The following AATF variants were observed in gnomAD, a reference collection of about 807,000 sequenced individuals.
AATF encodes the protein protein AATF.
Under a neutral mutation model 63.7 loss-of-function variants are expected in AATF, and 48 were observed. The ratio of observed to expected loss-of-function variants is 0.75; its 90% CI spans 0.60 to 0.96. AATF has a LOEUF of 0.96. Among genes scored for constraint, AATF ranks in the 40% least tolerant of loss-of-function variants. AATF has a pLI of 0.00. For synonymous variants in AATF, 258 were observed against 247.7 expected, an observed-to-expected ratio of 1.04 and a Z score of -0.39; for missense variants, 639 against 685.7, an observed-to-expected ratio of 0.93 and a Z score of 0.76.
chr17:36,963,915 G>A (rs549611213), intron 4 of AATF, among the ~76,000 whole-genome samples: 6 of 152,212 alleles, frequency 3.9e-5, no homozygotes, highest in African/African-American at 1.2e-4. Flanking sequence ...AGTGGCTCAC[G>A]CCTGTAACCC....
At chr17:37,009,298 AT>A (rs34957243) in intron 8 of AATF, among the ~76,000 whole-genome samples, 19,291 of 128,518 alleles carry the variant, frequency 0.15, 1,179 homozygotes, top group Non-Finnish European at 0.17. Context: ...TGCCCGGCTA[AT>A]TTTTTTTTTT....
At chr17:36,970,534 CTTTTTTCTTTTT>C (rs201213389) in intron 4 of AATF, among the ~76,000 whole-genome samples, 16,893 of 125,622 alleles carry the variant, frequency 0.13, 1,180 homozygotes, top group Non-Finnish European at 0.16. Flanking sequence ...TTCTTTCTTT[CTTTTTTCTTTTT>C]TTTTTTTTTT....
chr17:36,973,119 C>A (rs1420697318), intron 4 of AATF, among the ~76,000 whole-genome samples: 1 of 135,888 alleles, frequency 7.4e-6, no homozygotes, highest in Non-Finnish European at 1.5e-5. Flanking sequence ...TTCTTTTCTT[C>A]TTTCTTTCTT....
chr17:36,989,195 G>C, intron 6 of AATF, 52 bp from the exon 7 acceptor site: 1 of 1,549,024 alleles, frequency 6.5e-7, no homozygotes, highest in Non-Finnish European at 8.8e-7. Flanking sequence ...AATGTAGCTT[G>C]CCTTCAGCAC....
intron 4 of AATF, among the ~76,000 whole-genome samples, chr17:36,966,750 A>G (rs1175606423): frequency 6.6e-6 from 1 of 151,864 alleles, no homozygotes; most frequent in Non-Finnish European, 1.5e-5. Context: ...TTTATCTTGG[A>G]CATTTTCCTT....
chr17:37,046,063 G>A (rs1379189161), intron 11 of AATF: 1 of 152,014 alleles, frequency 6.6e-6, no homozygotes, highest in African/African-American at 2.4e-5. Flanking sequence ...CCCCATCTCA[G>A]ACTGGATTTT....
Position 36,986,477 on chromosome 17 carries a change from T to C in AATF, c.833-140T>C, listed in dbSNP as rs1422113670. Reference sequence around the variant, plus strand: ...TTCCATTTGGGAATATTTCAGAGAGTATTTAGTTCCTGTGTGTATCCTGTG... The same window carrying C: ...TTCCATTTGGGAATATTTCAGAGAGCATTTAGTTCCTGTGTGTATCCTGTG... On this transcript the variant is annotated intron_variant, in intron 4 of 11. Coordinates refer to ENST00000619387, the MANE Select transcript of AATF (RefSeq NM_012138.4). The C allele has an allele frequency of 4.7e-6, 3 of 644,384 alleles. No homozygotes were observed. In the African/African-American group the frequency reaches 5.4e-5, roughly 12 times the overall value. 39.9% of individuals were successfully genotyped at this position (644,384 alleles called of 1,614,324 possible). A position where few individuals can be genotyped will look rare whatever the true frequency, so the allele number is the denominator to read the frequency against.
At chr17:36,992,442 A>T (rs966316042) in intron 8 of AATF, among the ~76,000 whole-genome samples, 1 of 152,200 alleles carries the variant, frequency 6.6e-6, no homozygotes, top group African/African-American at 2.4e-5. Flanking sequence ...GATATGGGAT[A>T]TTAATGCTGT....
intron 10 of AATF, chr17:37,031,359 A>G: frequency 1.9e-6 from 1 of 527,542 alleles, no homozygotes. Context: ...ATGCCATTTT[A>G]TATAAGGAAC....
At chr17:36,998,407 T>G (rs958828709) in intron 8 of AATF, among the ~76,000 whole-genome samples, 38 of 152,346 alleles carry the variant, frequency 2.5e-4, no homozygotes, top group African/African-American at 5.3e-4. Flanking sequence ...GAAACCTGTG[T>G]TCTTGCTCCC....
Position 36,965,766 on chromosome 17 carries a change from A to G in AATF, c.832+11859A>G, listed in dbSNP as rs192514214. On this transcript the variant is annotated intron_variant, in intron 4 of 11. Transcript: ENST00000619387. ...GCCCACGCTGGAGTGTGGTGGTGCAATCATGGCTCACTGCAGCCTCGAACT... is the reference window on the plus strand; with the variant it reads ...GCCCACGCTGGAGTGTGGTGGTGCAGTCATGGCTCACTGCAGCCTCGAACT... Among the ~76,000 whole-genome samples, 13 of 152,228 alleles carry G rather than the reference A, an allele frequency of 8.5e-5. No homozygotes were observed. In the East Asian group the frequency reaches 1.9e-3, roughly 23 times the overall value.
intron 8 of AATF, among the ~76,000 whole-genome samples, chr17:37,003,471 CTTTTTTT>C (rs1163393533): frequency 7.2e-5 from 7 of 96,636 alleles, no homozygotes; most frequent in African/African-American, 1.4e-4. Flanking sequence ...TTGACAAGAA[CTTTTTTT>C]TTTTTTTTTT....
In AATF at chr17:36,988,547, C is replaced by T. The variant is rs73286003; in HGVS notation, c.976C>T (p.Leu326=). The change falls in exon 6 of 12, where the codon CTG becomes TTG. Residue 326 remains leucine, a synonymous_variant. Coordinates refer to ENST00000619387, the MANE Select transcript of AATF (RefSeq NM_012138.4). ...SEEISSEDDE[L]VEEKKQQRRR... ...GGAGATTTCTAGTGAAGATGATGAG[C>T]TGGTAGAAGAGAAGAAGCAGCAACG... The T allele has an allele frequency of 2.7e-4, 443 of 1,614,020 alleles. 3 individuals carry two copies. In the African/African-American group the frequency reaches 5.6e-3, roughly 20 times the overall value.
At chr17:36,972,216 T>C (rs912129311) in intron 4 of AATF, among the ~76,000 whole-genome samples, 2 of 152,320 alleles carry the variant, frequency 1.3e-5, no homozygotes, top group African/African-American at 2.4e-5. Context: ...TCCTTGGTAC[T>C]GAAACCTTAC....
At chr17:36,976,399 A>T (rs1372821979) in intron 4 of AATF, among the ~76,000 whole-genome samples, 1 of 152,180 alleles carries the variant, frequency 6.6e-6, no homozygotes, top group African/African-American at 2.4e-5. Context: ...GTCCTTACTG[A>T]GTATTAACTA....
At chr17:36,957,699 T>C (rs1230941772) in intron 4 of AATF, among the ~76,000 whole-genome samples, 1 of 152,168 alleles carries the variant, frequency 6.6e-6, no homozygotes, top group East Asian at 1.9e-4. Context: ...TTCTGATCTC[T>C]TCTCTGGTTC....
chr17:36,987,286 T>C (rs1199001307), intron 5 of AATF, among the ~76,000 whole-genome samples: 1 of 151,946 alleles, frequency 6.6e-6, no homozygotes, highest in Non-Finnish European at 1.5e-5. Context: ...CCACTTCACC[T>C]GGCCAAAAGC....
chr17:37,029,459 G>T (rs940712746), intron 10 of AATF, among the ~76,000 whole-genome samples: 2 of 152,074 alleles, frequency 1.3e-5, no homozygotes, highest in African/African-American at 4.8e-5. Flanking sequence ...AGCAGGCCAG[G>T]CTGGTCTTAA....
At chr17:37,023,716 T>C (rs1487248472) in intron 10 of AATF, among the ~76,000 whole-genome samples, 1 of 152,008 alleles carries the variant, frequency 6.6e-6, no homozygotes. Flanking sequence ...TAAGTGGTTT[T>C]AGTGTCCTTC....
Sources: gnomAD v4.1 joint callset for allele counts (sites outside exome capture counted in the v4.1 genomes callset) on GRCh38, gnomAD v4.1.1 for gene constraint, MANE v1.5 for transcripts, NCBI Gene and HGNC (gene_info 2026-07-23, HGNC 2026-07-21) for gene names.